GPATCH1: variants seen among roughly 807,000 people sequenced by gnomAD.
GPATCH1 encodes G-patch domain containing 1.
A neutral mutation model predicts 114.9 loss-of-function variants in GPATCH1; 73 were observed. The observed-to-expected ratio is 0.64, with a 90% CI of 0.53 to 0.77. The LOEUF (loss-of-function observed/expected upper bound fraction) is 0.77. Among genes scored for constraint, GPATCH1 ranks in the 30% least tolerant of loss-of-function variants. The probability of loss-of-function intolerance (pLI) is 0.00; values close to 1 mark genes in which losing one functional copy is unlikely to be tolerated. For missense variants in GPATCH1, 1,058 were observed against 1,144.3 expected (o/e 0.92, Z 1.09); for synonymous variants, 391 against 428.4 (o/e 0.91, Z 1.08).
rs775812291 is a variant in GPATCH1 at position 33,088,147 on chromosome 19, G to C, written c.87G>C (p.Lys29Asn). 9.4e-7 allele frequency: 1 copy of C among 1,061,946 alleles called. No homozygotes were observed. Among genetic ancestry groups the C allele is most frequent in the East Asian group, 2.9e-5 (1 of 34,174 alleles). 65.8% of individuals were successfully genotyped at this position (1,061,946 alleles called of 1,614,324 possible). A position where few individuals can be genotyped will look rare whatever the true frequency, so the allele number is the denominator to read the frequency against. The change falls in exon 2 of 20, where the codon AAG becomes AAC. Residue 29 changes from lysine to asparagine, a missense_variant. This residue lies in a region of GPATCH1 where 131 missense variants were observed against 107.2 expected (regional missense o/e 1.22). Coordinates refer to ENST00000170564, the MANE Select transcript of GPATCH1 (RefSeq NM_018025.3). Reference sequence around the variant, plus strand: ...TTTTTTTTTTAGGTGAAAGACCAAAGAAACCAATCCCTCTTCAGGATCAGA... The same window carrying C: ...TTTTTTTTTTAGGTGAAAGACCAAACAAACCAATCCCTCTTCAGGATCAGA... ...LEPLEEGERP[K>N]KPIPLQDQTV...
intron 5 of GPATCH1, among the ~76,000 whole-genome samples, 198 bp downstream of exon 5, chr19:33,094,467 C>T (rs754217436): frequency 2.0e-5 from 3 of 152,086 alleles, no homozygotes; most frequent in African/African-American, 4.8e-5. Flanking sequence ...TGTGCCACTG[C>T]GCCAGGCTAA....
chr19:33,126,352 C>G (rs951382563), intron 18 of GPATCH1, among the ~76,000 whole-genome samples: 15 of 152,160 alleles, frequency 9.9e-5, no homozygotes, highest in Non-Finnish European at 1.9e-4. Context: ...TCTGCGCCTT[C>G]TTGGTTCTGC....
At chr19:33,116,892 C>T (rs1193020524) in intron 15 of GPATCH1, among the ~76,000 whole-genome samples, 5 of 151,910 alleles carry the variant, frequency 3.3e-5, no homozygotes, top group Non-Finnish European at 5.9e-5. Context: ...GAGAAATCTT[C>T]AACCATTCAA....
chr19:33,120,698 TA>T (rs920007317), intron 17 of GPATCH1, among the ~76,000 whole-genome samples: 1 of 149,454 alleles, frequency 6.7e-6, no homozygotes, highest in Admixed American at 6.7e-5. Context: ...CATCTCTATT[TA>T]AAAAAAAAGG....
chr19:33,081,462 G>A (rs1972475405), intron 1 of GPATCH1, among the ~76,000 whole-genome samples, 196 bp downstream of exon 1: 1 of 152,170 alleles, frequency 6.6e-6, no homozygotes, highest in Admixed American at 6.5e-5. Flanking sequence ...ACAGGGACGG[G>A]AGACACAAGC....
chr19:33,108,538 C>T (rs1338469672), intron 10 of GPATCH1, among the ~76,000 whole-genome samples: 8 of 151,444 alleles, frequency 5.3e-5, no homozygotes, highest in Middle Eastern at 3.2e-3. Context: ...TGACTTATCT[C>T]GAATGTTACT....
chr19:33,104,054 G>C (rs1199678976), intron 9 of GPATCH1, among the ~76,000 whole-genome samples: 2 of 152,096 alleles, frequency 1.3e-5, no homozygotes, highest in East Asian at 3.9e-4. Context: ...CCAAGACTGG[G>C]CATGGTGGCT....
chr19:33,107,122 A>G (rs1263690256), intron 10 of GPATCH1, among the ~76,000 whole-genome samples: 1 of 152,004 alleles, frequency 6.6e-6, no homozygotes, highest in Non-Finnish European at 1.5e-5. Context: ...GATAATGTCT[A>G]GGTCTGTCAC....
intron 5 of GPATCH1, 103 bp from the exon 6 acceptor site, chr19:33,095,659 C>T: frequency 1.3e-6 from 1 of 796,752 alleles, no homozygotes; most frequent in East Asian, 2.4e-5. Context: ...ACCTCAGCCT[C>T]CCAGAGTGCT....
In GPATCH1 at chr19:33,108,027, C is replaced by A. The variant is rs547976607; in HGVS notation, c.1285+1128C>A. On this transcript the variant is annotated intron_variant, in intron 10 of 19. Transcript: ENST00000170564. Reference sequence around the variant, plus strand: ...TCCCCGGGAGGCCTAATTCTTAGCTCCTCTCTTTTCGGTCCTCCCGCACCC... The same window carrying A: ...TCCCCGGGAGGCCTAATTCTTAGCTACTCTCTTTTCGGTCCTCCCGCACCC... 2.6e-5 allele frequency among the ~76,000 whole-genome samples: 4 copies of A among 152,010 alleles called. No individual in the cohort carries two copies. In the East Asian group the frequency reaches 7.8e-4, roughly 30 times the overall value.
chr19:33,113,642 T>C, intron 13 of GPATCH1, 125 bp from the exon 14 acceptor site: 1 of 709,024 alleles, frequency 1.4e-6, no homozygotes, highest in Non-Finnish European at 2.4e-6. Context: ...CTTTGAGAAG[T>C]GAAAGCATCT....
At chr19:33,119,929 T>C (rs1024051038) in intron 17 of GPATCH1, among the ~76,000 whole-genome samples, 2 of 145,418 alleles carry the variant, frequency 1.4e-5, no homozygotes, top group African/African-American at 2.5e-5. Flanking sequence ...TATATAAAAA[T>C]TATATATATT....
intron 2 of GPATCH1, among the ~76,000 whole-genome samples, chr19:33,089,198 C>T (rs541679657): frequency 6.6e-5 from 10 of 152,116 alleles, no homozygotes; most frequent in Non-Finnish European, 1.5e-4. Flanking sequence ...GACTGTCTCT[C>T]GTGACTGAGT....
intron 9 of GPATCH1, 141 bp from the exon 10 acceptor site, chr19:33,106,554 C>T: frequency 1.5e-6 from 1 of 662,012 alleles, no homozygotes; most frequent in Non-Finnish European, 2.6e-6. Context: ...TCTGGCCAGC[C>T]TGTTCTTGTG....
intron 6 of GPATCH1, 82 bp from the exon 7 acceptor site, chr19:33,096,125 C>T (rs1599854006): frequency 7.3e-7 from 1 of 1,369,896 alleles, no homozygotes; most frequent in East Asian, 2.3e-5. Flanking sequence ...TGGCATTAAT[C>T]ACTGCGTTTT....
intron 16 of GPATCH1, 135 bp downstream of exon 16, chr19:33,118,176 ATTTTTTTT>A: frequency 1.8e-5 from 5 of 277,646 alleles, no homozygotes; most frequent in Admixed American, 1.8e-4. Context: ...TATGTATATA[ATTTTTTTT>A]TTTTTTTTTT....
intron 1 of GPATCH1, among the ~76,000 whole-genome samples, chr19:33,084,469 C>T (rs1436607812): frequency 5.9e-5 from 9 of 152,090 alleles, no homozygotes; most frequent in Admixed American, 5.9e-4. Context: ...CCAATTTTCT[C>T]CTCCTTGATG....
intron 1 of GPATCH1, 101 bp from the exon 2 acceptor site, chr19:33,088,033 T>C: frequency 3.2e-6 from 2 of 628,022 alleles, no homozygotes; most frequent in Non-Finnish European, 5.2e-6. Flanking sequence ...TTATAAGAAG[T>C]AAACAATTTA....
chr19:33,121,001 AAATT>A (rs924154783), intron 17 of GPATCH1, among the ~76,000 whole-genome samples: 2 of 151,976 alleles, frequency 1.3e-5, no homozygotes, highest in African/African-American at 4.8e-5. Flanking sequence ...AAAAATAAAT[AAATT>A]AATTAATTTA....
Sources: allele counts gnomAD v4.1 joint callset (sites outside exome capture counted in the v4.1 genomes callset), GRCh38; gene constraint gnomAD v4.1.1; regional missense constraint gnomAD v4.1.1; transcripts MANE v1.5; gene names NCBI Gene and HGNC (gene_info 2026-07-23, HGNC 2026-07-21).